Variants in CACNG5 observed in about 807,000 individuals in gnomAD.
The protein encoded by CACNG5 is calcium voltage-gated channel auxiliary subunit gamma 5.
A neutral mutation model predicts 24.8 loss-of-function variants in CACNG5; 18 were observed. That is an observed-to-expected ratio of 0.73 (90% CI 0.50 to 1.08). The LOEUF (loss-of-function observed/expected upper bound fraction) is 1.08. Ranked by LOEUF, CACNG5 falls within the 50% of genes least tolerant of loss-of-function variation. The probability of loss-of-function intolerance (pLI) is 0.00; values close to 1 mark genes in which losing one functional copy is unlikely to be tolerated. For missense variants in CACNG5, 349 were observed against 367.9 expected (o/e 0.95, Z 0.42); for synonymous variants, 157 against 149.1 (o/e 1.05, Z -0.39).
intron 1 of CACNG5, among the ~76,000 whole-genome samples, chr17:66,838,307 G>C (rs1019105985): frequency 6.6e-6 from 1 of 151,684 alleles, no homozygotes. Flanking sequence ...AGAGTGGCCT[G>C]GGGGGAGCAG....
At chr17:66,867,595 T>C (rs1331575246) in intron 1 of CACNG5, among the ~76,000 whole-genome samples, 1 of 152,248 alleles carries the variant, frequency 6.6e-6, no homozygotes. Context: ...AGGGTTTTTA[T>C]GGTTTGGGGT....
intron 1 of CACNG5, among the ~76,000 whole-genome samples, chr17:66,859,959 T>C (rs1050324186): frequency 6.6e-6 from 1 of 152,164 alleles, no homozygotes; most frequent in Admixed American, 6.5e-5. Context: ...ACCCGCATGA[T>C]GCAAAGGCCC....
chr17:66,880,530 A>G, intron 3 of CACNG5, 27 bp from the exon 4 acceptor site: 1 of 1,613,960 alleles, frequency 6.2e-7, no homozygotes, highest in Non-Finnish European at 8.5e-7. Flanking sequence ...GGAGGCTGAC[A>G]GGCCGCCCTT....
At position 66,891,746 on chromosome 17, in the gene CACNG5, G is replaced by A. The variant is rs1053125825; in HGVS notation, c.*6506G>A. 3.9e-5 allele frequency among the ~76,000 whole-genome samples: 6 copies of A among 152,228 alleles called. No individual in the cohort carries two copies. Among genetic ancestry groups the A allele is most frequent in the Admixed American group, 3.3e-4 (5 of 15,286 alleles). ...GTGAGGAGTGTCAGAGTTCCATTGT[G>A]AGGAACACATGAGAGATGGGATCTA... On this transcript the variant is annotated 3_prime_UTR_variant, in exon 6 of 6. Transcript: ENST00000533854.
intron 1 of CACNG5, among the ~76,000 whole-genome samples, chr17:66,872,629 C>A (rs188069678): frequency 5.3e-5 from 8 of 152,288 alleles, no homozygotes; most frequent in African/African-American, 1.9e-4. Flanking sequence ...ATTGCTGGTG[C>A]ACACTTTTAT....
chr17:66,871,799 GC>G (rs57008858), intron 1 of CACNG5, among the ~76,000 whole-genome samples: 9,370 of 152,212 alleles, frequency 0.062, 420 homozygotes, highest in African/African-American at 0.13. Context: ...GGCGGAGCTT[GC>G]AGTGAGCCAA....
intron 1 of CACNG5, among the ~76,000 whole-genome samples, chr17:66,872,673 C>T (rs1403878482): frequency 6.6e-6 from 1 of 152,212 alleles, no homozygotes; most frequent in African/African-American, 2.4e-5. Flanking sequence ...ATCCCAGGCA[C>T]TTCTCCCCTC....
intron 5 of CACNG5, 101 bp from the exon 6 acceptor site, chr17:66,884,882 A>G (rs750699024): frequency 2.1e-5 from 34 of 1,613,208 alleles, no homozygotes; most frequent in Middle Eastern, 1.6e-4. Context: ...CCCCACGTCC[A>G]CTTCCCACCC....
chr17:66,835,306 G>A (rs1470730671), intron 1 of CACNG5, 56 bp downstream of exon 1: 1 of 152,376 alleles, frequency 6.6e-6, no homozygotes, highest in East Asian at 1.9e-4. Context: ...GGGGTCCCTG[G>A]GGGACGGTCT....
At chr17:66,871,736 T>C (rs1395132270) in intron 1 of CACNG5, among the ~76,000 whole-genome samples, 1 of 152,170 alleles carries the variant, frequency 6.6e-6, no homozygotes, top group African/African-American at 2.4e-5. Context: ...GGCAGGCACC[T>C]GTAGTCCCAG....
intron 1 of CACNG5, among the ~76,000 whole-genome samples, chr17:66,843,091 A>G (rs1976589307): frequency 6.6e-6 from 1 of 152,336 alleles, no homozygotes; most frequent in East Asian, 1.9e-4. Context: ...CATGTATTGC[A>G]CTATTTAATG....
In CACNG5 at chr17:66,884,530, G is replaced by T. The variant is rs756783259; in HGVS notation, c.439G>T (p.Val147Leu). The T allele has an allele frequency of 3.1e-6, 5 of 1,611,750 alleles. No homozygotes were observed. The South Asian group carries it at 3.3e-5, about 11-fold the overall frequency. ...TGCCCAACCAGGCCTCTCTCTCGTG[G>T]TGGGCCTGGTGCTCTACATCTCCAG... ...FFILSGLSLV[V>L]GLVLYISSIN... is the part of the protein sequence containing the mutation. The change falls in exon 5 of 6, where the codon GTG becomes TTG. Residue 147 changes from valine to leucine, a missense_variant. Transcript: ENST00000533854.
chr17:66,882,942 TCCATCC>T (rs1977184503), intron 4 of CACNG5, among the ~76,000 whole-genome samples: 1 of 33,612 alleles, frequency 3.0e-5, no homozygotes, highest in African/African-American at 3.4e-4. Flanking sequence ...TCTCCTTCCA[TCCATCC>T]ATCCATCCAT....
chr17:66,884,111 G>A lies in CACNG5; in HGVS notation c.425-405G>A, dbSNP rs527272528. Among the ~76,000 whole-genome samples the A allele has an allele frequency of 4.2e-3, 616 of 146,478 alleles. 4 individuals carry two copies. The highest frequency in any genetic ancestry group is 0.014 in the African/African-American group (564 of 39,148). ...CGCGCCATTGCCCTCCAGCCTAGGCGACAAGAGTGAAAATCCACCTCAAAA... is the reference window on the plus strand; with the variant it reads ...CGCGCCATTGCCCTCCAGCCTAGGCAACAAGAGTGAAAATCCACCTCAAAA... On this transcript the variant is annotated intron_variant, in intron 4 of 5. Coordinates refer to ENST00000533854, the MANE Select transcript of CACNG5 (RefSeq NM_145811.3).
rs2143138217 is a variant in CACNG5, at chr17:66,886,852, T to C, written c.*1612T>C. Among the ~76,000 whole-genome samples the C allele has an allele frequency of 6.6e-6, 1 of 152,232 alleles. No homozygotes were observed. The highest frequency in any genetic ancestry group is 1.9e-4 in the East Asian group (1 of 5,164). ...GATCACGGTGTTGGCAGGATTGGTT[T>C]CTTCTGAGGCCTCTGTCCTTGGCTT... is the stretch of plus-strand genomic sequence containing the variant. On this transcript the variant is annotated 3_prime_UTR_variant, in exon 6 of 6. Transcript: ENST00000533854.
intron 5 of CACNG5, 92 bp downstream of exon 5, chr17:66,884,753 C>T: frequency 6.2e-7 from 1 of 1,613,904 alleles, no homozygotes; most frequent in Non-Finnish European, 8.5e-7. Flanking sequence ...AGGGACATTC[C>T]ACAACCATTT....
intron 1 of CACNG5, among the ~76,000 whole-genome samples, chr17:66,864,458 C>CA (rs1192623756): frequency 6.6e-6 from 1 of 152,220 alleles, no homozygotes; most frequent in Non-Finnish European, 1.5e-5. Context: ...AGTCTTATCT[C>CA]AATGCATTTC....
intron 4 of CACNG5, among the ~76,000 whole-genome samples, chr17:66,883,362 G>A (rs1023242821): frequency 6.6e-6 from 1 of 152,088 alleles, no homozygotes; most frequent in African/African-American, 2.4e-5. Flanking sequence ...AATAAAGAGG[G>A]TTCATTTAGT....
chr17:66,839,832 G>A lies in CACNG5; in HGVS notation c.-104+4582G>A, dbSNP rs112176185. ...ACAAACGCCGCTCCAGGGCTGTTCC[G>A]CGCACGTGCACTGAAGTCCTGTCGG... On this transcript the variant is annotated intron_variant, in intron 1 of 5. Coordinates refer to ENST00000533854, the MANE Select transcript of CACNG5 (RefSeq NM_145811.3). Among the ~76,000 whole-genome samples the A allele has an allele frequency of 9.9e-5, 15 of 152,278 alleles. 1 individual carries two copies. The highest frequency in any genetic ancestry group is 2.6e-4 in the African/African-American group (11 of 41,558).
Sources: gnomAD v4.1 joint callset for allele counts (sites outside exome capture counted in the v4.1 genomes callset) on GRCh38, gnomAD v4.1.1 for gene constraint, MANE v1.5 for transcripts, NCBI Gene and HGNC (gene_info 2026-07-23, HGNC 2026-07-21) for gene names.